SLC24A2: variants seen among roughly 807,000 people sequenced by gnomAD.
SLC24A2 encodes the protein solute carrier family 24 member 2.
A neutral mutation model predicts 62.0 loss-of-function variants in SLC24A2; 36 were observed. That is an observed-to-expected ratio of 0.58 (90% CI 0.44 to 0.77). The LOEUF (loss-of-function observed/expected upper bound fraction) is 0.77, where lower values mean the gene tolerates loss of function less well. Among genes scored for constraint, SLC24A2 ranks in the 30% least tolerant of loss-of-function variants. The pLI is 0.00. For synonymous variants in SLC24A2, 358 were observed against 294.0 expected, an observed-to-expected ratio of 1.22 and a Z score of -2.23; for missense variants, 846 against 817.9, an observed-to-expected ratio of 1.03 and a Z score of -0.42.
chr9:19,545,185 C>T (rs1268843139), intron 8 of SLC24A2, among the ~76,000 whole-genome samples: 5 of 151,774 alleles, frequency 3.3e-5, no homozygotes, highest in Non-Finnish European at 7.4e-5. Context: ...TTGATCTTCA[C>T]TTTCTGATAT....
the SLC24A2 span, among the ~76,000 whole-genome samples, chr9:20,208,219 G>A: frequency 2.6e-5 from 4 of 152,286 alleles, no homozygotes; most frequent in East Asian, 1.9e-4. Context: ...ATGCTGAGAC[G>A]AGCATTCCAA....
chr9:20,285,062 G>A, the SLC24A2 span, among the ~76,000 whole-genome samples: 10 of 152,212 alleles, frequency 6.6e-5, no homozygotes, highest in East Asian at 1.7e-3. Context: ...CCAAAATGAC[G>A]CAAACAATAG....
the SLC24A2 span, among the ~76,000 whole-genome samples, chr9:19,899,584 C>A: frequency 3.9e-5 from 6 of 152,302 alleles, no homozygotes; most frequent in African/African-American, 7.2e-5. Flanking sequence ...TAAGATATAA[C>A]AATGTCACAA....
chr9:19,787,260 A>C (rs1823203290), intron 1 of SLC24A2, among the ~76,000 whole-genome samples: 1 of 152,200 alleles, frequency 6.6e-6, no homozygotes, highest in Non-Finnish European at 1.5e-5. Context: ...GGCACTTATG[A>C]AGATGTATGT....
chr9:20,146,338 G>A, the SLC24A2 span, among the ~76,000 whole-genome samples: 2 of 152,148 alleles, frequency 1.3e-5, no homozygotes, highest in Admixed American at 6.6e-5. Flanking sequence ...GACATCAGGT[G>A]TCTTAGTTCC....
chr9:20,019,775 T>A, the SLC24A2 span, among the ~76,000 whole-genome samples: 4 of 150,738 alleles, frequency 2.7e-5, no homozygotes, highest in African/African-American at 7.3e-5. Context: ...ATCATCAGAG[T>A]GAACAGGCAA....
the SLC24A2 span, among the ~76,000 whole-genome samples, chr9:20,290,819 G>T: frequency 6.6e-6 from 1 of 152,350 alleles, no homozygotes; most frequent in East Asian, 1.9e-4. Context: ...GTTCTTCTGG[G>T]CAAGGGATGG....
intron 2 of SLC24A2, among the ~76,000 whole-genome samples, chr9:19,693,977 T>A (rs752963257): frequency 6.6e-6 from 1 of 152,060 alleles, no homozygotes; most frequent in Non-Finnish European, 1.5e-5. Context: ...TCTTAGAAGA[T>A]GAAAATGTAT....
chr9:20,149,545 G>T, the SLC24A2 span, among the ~76,000 whole-genome samples: 1 of 151,778 alleles, frequency 6.6e-6, no homozygotes, highest in Middle Eastern at 3.2e-3. Context: ...AGTTTCCATT[G>T]TGGCTGCTCA....
the SLC24A2 span, among the ~76,000 whole-genome samples, chr9:20,263,861 G>GCCCCCCC: frequency 7.8e-4 from 24 of 30,842 alleles, no homozygotes; most frequent in East Asian, 1.7e-3. Flanking sequence ...TATCCCACCC[G>GCCCCCCC]CCCCCCCCCC....
chr9:19,705,608 G>A (rs528370898), intron 2 of SLC24A2: 1 of 228,964 alleles, frequency 4.4e-6, no homozygotes, highest in Non-Finnish European at 9.6e-6. Flanking sequence ...CAGCTCAAAA[G>A]GCAAAAGAGG....
the SLC24A2 span, among the ~76,000 whole-genome samples, chr9:19,914,458 G>T: frequency 6.6e-6 from 1 of 152,036 alleles, no homozygotes; most frequent in Non-Finnish European, 1.5e-5. Flanking sequence ...GTGATTTCCA[G>T]TCACTAAACA....
chr9:19,752,071 T>A (rs1373278932), intron 2 of SLC24A2, among the ~76,000 whole-genome samples: 1 of 152,172 alleles, frequency 6.6e-6, no homozygotes, highest in Non-Finnish European at 1.5e-5. Context: ...AATGGCAGAA[T>A]TAGACCTGAA....
chr9:19,528,249 C>T (rs914212287), intron 8 of SLC24A2, 111 bp from the exon 9 acceptor site: 1 of 758,790 alleles, frequency 1.3e-6, no homozygotes, highest in Non-Finnish European at 2.3e-6. Context: ...TTTCCTGCAT[C>T]TTAGTAGGAT....
intron 10 of SLC24A2, among the ~76,000 whole-genome samples, chr9:19,519,528 G>C (rs1438081585): frequency 2.0e-5 from 3 of 152,148 alleles, no homozygotes; most frequent in Non-Finnish European, 4.4e-5. Context: ...TTTACAGTAG[G>C]TACAACTTCC....
At chr9:20,010,427 T>G in the SLC24A2 span, among the ~76,000 whole-genome samples, 7 of 152,102 alleles carry the variant, frequency 4.6e-5, no homozygotes, top group African/African-American at 1.7e-4. Flanking sequence ...ATAAAATGGC[T>G]GACATATAAT....
intron 2 of SLC24A2, 95 bp from the exon 3 acceptor site, chr9:19,622,394 G>A: frequency 2.4e-6 from 3 of 1,260,154 alleles, no homozygotes; most frequent in African/African-American, 2.9e-5. Context: ...CATCAGTATA[G>A]GGGAAGATTT....
At chr9:19,803,594 A>T in the SLC24A2 span, among the ~76,000 whole-genome samples, 1 of 152,198 alleles carries the variant, frequency 6.6e-6, no homozygotes, top group Admixed American at 6.5e-5. Context: ...CTTATGATTA[A>T]TGCCATAAAA....
chr9:19,857,232 C>A, the SLC24A2 span, among the ~76,000 whole-genome samples: 513 of 152,278 alleles, frequency 3.4e-3, 1 homozygote, highest in African/African-American at 0.012. Flanking sequence ...GCATCATTCC[C>A]AACTTTGGCT....
Sources: allele counts gnomAD v4.1 joint callset (sites outside exome capture counted in the v4.1 genomes callset), GRCh38; gene constraint gnomAD v4.1.1; transcripts MANE v1.5; gene names NCBI Gene and HGNC (gene_info 2026-07-23, HGNC 2026-07-21).